The following GHRH variants were observed in gnomAD, a reference collection of about 807,000 sequenced individuals.
GHRH encodes the protein growth hormone releasing hormone, also known as somatoliberin.
GHRH carries 7 observed loss-of-function variants against 15.6 expected under a neutral mutation model. The ratio of observed to expected loss-of-function variants is 0.45; its 90% CI spans 0.26 to 0.84. The LOEUF (loss-of-function observed/expected upper bound fraction) is 0.84, where lower values mean the gene tolerates loss of function less well. GHRH is among the 40% of genes least tolerant of loss of function. The pLI is 0.18. For missense variants in GHRH, 117 were observed against 138.0 expected, an observed-to-expected ratio of 0.85 and a Z score of 0.76; for synonymous variants, 54 against 50.4, an observed-to-expected ratio of 1.07 and a Z score of -0.30.
chr20:37,257,938 G>T (rs59075228), intron 1 of GHRH, among the ~76,000 whole-genome samples: 3 of 152,138 alleles, frequency 2.0e-5, no homozygotes, highest in African/African-American at 7.2e-5. Flanking sequence ...TGGAGAGAGG[G>T]GAGAAGGGCT....
chr20:37,256,550 G>A, intron 2 of GHRH, 52 bp from the exon 3 acceptor site: 1 of 1,157,288 alleles, frequency 8.6e-7, no homozygotes, highest in Non-Finnish European at 1.3e-6. Flanking sequence ...CAGGCGAGAG[G>A]ACAGTCGTGG....
chr20:37,256,761 A>G (rs2068658655), intron 2 of GHRH, 46 bp downstream of exon 2: 1 of 1,458,458 alleles, frequency 6.9e-7, no homozygotes, highest in Non-Finnish European at 9.5e-7. Context: ...GCCCCATGGC[A>G]GGGATGGCTT....
rs1298497133 is a variant in GHRH at position 37,258,852 on chromosome 20, G to T, written c.-19-1944C>A. On this transcript the variant is annotated intron_variant, in intron 1 of 4. Coordinates refer to ENST00000373614, the MANE Select transcript of GHRH (RefSeq NM_021081.6). This position sits in a 1 kb window ranked among gnomAD's most constrained non-coding sequence, Gnocchi z 4.1. ...ACTCCTGGGCTCAAGCAATCCTCCT[G>T]CCTCAGCCTCCTGAGTAGCTGGGAC... Among the ~76,000 whole-genome samples the T allele has an allele frequency of 2.0e-5, 3 of 152,154 alleles. No individual in the cohort carries two copies. The highest frequency in any genetic ancestry group is 7.2e-5 in the African/African-American group (3 of 41,422).
intron 1 of GHRH, among the ~76,000 whole-genome samples, chr20:37,257,558 C>G (rs1200749989): frequency 1.3e-5 from 2 of 151,914 alleles, no homozygotes; most frequent in East Asian, 3.9e-4. Flanking sequence ...AAATGGGATC[C>G]CTTAGCAAGG....
At chr20:37,256,615 C>G in intron 2 of GHRH, 117 bp from the exon 3 acceptor site, 1 of 749,126 alleles carries the variant, frequency 1.3e-6, no homozygotes, top group Non-Finnish European at 2.2e-6. Flanking sequence ...CCCACTCACC[C>G]CAAGAGAGAC....
rs768802930 is a variant in GHRH at position 37,256,854 on chromosome 20, G to T, written c.36C>A (p.Thr12=). 2 of 1,613,102 alleles carry T rather than the reference G, an allele frequency of 1.2e-6. No homozygotes were observed. The highest frequency in any genetic ancestry group is 1.1e-5 in the South Asian group (1 of 90,722). Residue 12 remains threonine, a synonymous_variant, in exon 2 of 5, where the codon ACC becomes ACA. Coordinates refer to ENST00000373614, the MANE Select transcript of GHRH (RefSeq NM_021081.6). ...GGGAGCAGTGGGAGCTGTTGCTGAG[G>T]GTGAGGATCACAAAGAAGAACACCC... ...PLWVFFFVIL[T]LSNSSHCSPP...
intron 1 of GHRH, among the ~76,000 whole-genome samples, chr20:37,259,731 T>C (rs1241330480): frequency 1.3e-5 from 2 of 152,174 alleles, no homozygotes; most frequent in African/African-American, 4.8e-5. Context: ...CATGCTCCTC[T>C]TACAGCCAAG....
chr20:37,255,306 GGC>G (rs1228756276), intron 3 of GHRH, among the ~76,000 whole-genome samples: 1 of 152,048 alleles, frequency 6.6e-6, no homozygotes, highest in African/African-American at 2.4e-5. Flanking sequence ...AAAACGTATA[GGC>G]TATAGAGTCA....
At chr20:37,256,337 A>G in intron 3 of GHRH, 57 bp downstream of exon 3, 1 of 1,115,774 alleles carries the variant, frequency 9.0e-7, no homozygotes, top group Non-Finnish European at 1.3e-6. Context: ...GTAGGGAACA[A>G]GCTCCTGCAG....
intron 4 of GHRH, 118 bp downstream of exon 4, chr20:37,254,092 G>A (rs2068640195): frequency 1.9e-6 from 2 of 1,031,928 alleles, no homozygotes; most frequent in Non-Finnish European, 2.9e-6. Flanking sequence ...CCTTGTTCTT[G>A]GTTTGTTTGG....
At chr20:37,256,991 C>A in intron 1 of GHRH, 83 bp from the exon 2 acceptor site, 2 of 823,736 alleles carry the variant, frequency 2.4e-6, no homozygotes, top group South Asian at 1.5e-5. Context: ...GGCTTGGCTC[C>A]ATGGCAAGCC....
intron 4 of GHRH, among the ~76,000 whole-genome samples, 179 bp downstream of exon 4, chr20:37,254,031 G>T (rs1037352810): frequency 1.3e-5 from 2 of 152,224 alleles, no homozygotes; most frequent in Non-Finnish European, 2.9e-5. Flanking sequence ...GATTACAGGT[G>T]AGCCACCATA....
intron 1 of GHRH, among the ~76,000 whole-genome samples, chr20:37,259,144 C>T (rs768748011): frequency 1.3e-5 from 2 of 152,122 alleles, no homozygotes; most frequent in Admixed American, 6.5e-5. Flanking sequence ...AGGACTGGGG[C>T]TAGAGAAAAG....
At chr20:37,251,598 T>G (rs2068621493) in intron 4 of GHRH, among the ~76,000 whole-genome samples, 1 of 152,232 alleles carries the variant, frequency 6.6e-6, no homozygotes, top group African/African-American at 2.4e-5. Context: ...CGTGTCTAGT[T>G]CCTTGCTGCT....
intron 3 of GHRH, among the ~76,000 whole-genome samples, chr20:37,255,976 T>C (rs757363248): frequency 1.3e-5 from 2 of 151,792 alleles, no homozygotes; most frequent in Non-Finnish European, 2.9e-5. Context: ...CAATGAGGCA[T>C]GATCATTCCA....
Position 37,258,314 on chromosome 20 carries a change from G to C in GHRH, c.-19-1406C>G, listed in dbSNP as rs192931047. ...CCATCCAGAAGCCCAGCCAGCCCCG[G>C]AGGTGGCCAGCACCCCCGCCTTTCC... On this transcript the variant is annotated intron_variant, in intron 1 of 4. Coordinates refer to ENST00000373614, the MANE Select transcript of GHRH (RefSeq NM_021081.6). The surrounding 1 kb of genome is among the most constrained non-coding windows in gnomAD (Gnocchi z 4.1). Among the ~76,000 whole-genome samples the C allele has an allele frequency of 3.5e-4, 49 of 141,648 alleles. 2 individuals carry two copies. In the East Asian group the frequency reaches 8.2e-3, roughly 24 times the overall value. 92.9% of individuals were successfully genotyped at this position (141,648 alleles called of 152,430 possible).
At chr20:37,251,362 G>C (rs1968144269) in intron 4 of GHRH, 131 bp from the exon 5 acceptor site, 1 of 666,282 alleles carries the variant, frequency 1.5e-6, no homozygotes, top group African/African-American at 1.8e-5. Context: ...GAGGCAGTGT[G>C]GGGTGGAGGG....
At chr20:37,253,310 A>G (rs1294306837) in intron 4 of GHRH, among the ~76,000 whole-genome samples, 5 of 152,190 alleles carry the variant, frequency 3.3e-5, no homozygotes, top group African/African-American at 1.2e-4. Flanking sequence ...GTGTCTGCGC[A>G]CACTCATCTA....
intron 1 of GHRH, among the ~76,000 whole-genome samples, chr20:37,260,408 A>AAC (rs1226501141): frequency 1.3e-5 from 2 of 151,326 alleles, no homozygotes; most frequent in African/African-American, 4.9e-5. Context: ...ACAAAAAAAA[A>AAC]AACACACAAA....
Sources: allele counts gnomAD v4.1 joint callset (sites outside exome capture counted in the v4.1 genomes callset), GRCh38; gene constraint gnomAD v4.1.1; non-coding constraint Gnocchi (gnomAD v3.1); transcripts MANE v1.5; gene names NCBI Gene and HGNC (gene_info 2026-07-23, HGNC 2026-07-21).